Variants in SLC22A23 observed in about 807,000 individuals in gnomAD.
SLC22A23 encodes ion transporter protein.
Under a neutral mutation model 61.0 loss-of-function variants are expected in SLC22A23, and 26 were observed. The observed-to-expected ratio is 0.43, with a 90% confidence interval of 0.31 to 0.59. The LOEUF (loss-of-function observed/expected upper bound fraction) is 0.59. Ranked by LOEUF, SLC22A23 falls within the 20% of genes least tolerant of loss-of-function variation. The pLI, the probability that SLC22A23 is intolerant of heterozygous loss-of-function variation, is 0.11. For missense variants in SLC22A23, 796 were observed against 934.7 expected (o/e 0.85, Z 1.94); for synonymous variants, 430 against 413.9 (o/e 1.04, Z -0.47).
chr6:3,284,019 C>A (rs1361800036), intron 8 of SLC22A23, 44 bp from the exon 9 acceptor site: 16 of 1,570,424 alleles, frequency 1.0e-5, no homozygotes, highest in Non-Finnish European at 1.4e-5. Flanking sequence ...GAGAGGAAGC[C>A]AGGCCAGGGT....
At chr6:3,393,967 C>T (rs935976871) in intron 3 of SLC22A23, among the ~76,000 whole-genome samples, 8 of 152,198 alleles carry the variant, frequency 5.3e-5, no homozygotes, top group Non-Finnish European at 8.8e-5. Flanking sequence ...TGCAAACATT[C>T]GCTTCTACCG....
intron 1 of SLC22A23, among the ~76,000 whole-genome samples, chr6:3,435,345 C>T (rs1356428252): frequency 6.6e-6 from 1 of 151,884 alleles, no homozygotes; most frequent in Non-Finnish European, 1.5e-5. Flanking sequence ...CCCTCTCTTC[C>T]ACCATCCCTG....
chr6:3,442,816 T>TA (rs34874884), intron 1 of SLC22A23, among the ~76,000 whole-genome samples: 24,722 of 147,040 alleles, frequency 0.17, 2,111 homozygotes, highest in Non-Finnish European at 0.2. Context: ...CCACTTTATT[T>TA]AAAAAAAAAA....
rs1425522307 is a variant in SLC22A23 at position 3,456,375 on chromosome 6, G to A, written c.185C>T (p.Pro62Leu). The A allele has an allele frequency of 1.9e-6, 3 of 1,541,338 alleles. No individual in the cohort carries two copies. Among genetic ancestry groups the A allele is most frequent in the South Asian group, 1.2e-5 (1 of 83,892 alleles). ...AGCCGCGGAGCAGCAGCTCGGGTGC[G>A]GGCCGCCTCCAGGATGCAGTGGGGG... ...PLPPLHPGGGPHPSCCSAAAA... is the reference protein window; with the variant it reads ...PLPPLHPGGGLHPSCCSAAAA... The change falls in exon 1 of 10, where the codon CCG (proline) becomes CTG (leucine). Residue 62 changes from proline (P) to leucine (L), a missense_variant. By Grantham distance (98) the Pro-to-Leu change is moderately conservative. Coordinates refer to ENST00000406686, the MANE Select transcript of SLC22A23 (RefSeq NM_015482.2). This position sits in a 1 kb window ranked among gnomAD's most constrained non-coding sequence, Gnocchi z 7.1.
intron 3 of SLC22A23, among the ~76,000 whole-genome samples, chr6:3,343,282 A>G (rs984197607): frequency 1.3e-5 from 2 of 151,974 alleles, no homozygotes; most frequent in African/African-American, 4.8e-5. Flanking sequence ...TCCCAACCAC[A>G]CTCTTGCCTC....
At chr6:3,305,953 A>G (rs979261440) in intron 4 of SLC22A23, among the ~76,000 whole-genome samples, 4 of 152,310 alleles carry the variant, frequency 2.6e-5, no homozygotes, top group Middle Eastern at 3.4e-3. Context: ...CTGTGTTGCT[A>G]TAAAGGAACA....
At position 3,427,962 on chromosome 6, in the gene SLC22A23, C is replaced by T. The variant is rs1340708863; in HGVS notation, c.655-12107G>A. Among the ~76,000 whole-genome samples the T allele has an allele frequency of 6.6e-6, 1 of 152,220 alleles. No homozygotes were observed. Among genetic ancestry groups the T allele is most frequent in the East Asian group, 1.9e-4 (1 of 5,180 alleles). On this transcript the variant is annotated intron_variant, in intron 1 of 9. Transcript: ENST00000406686. This position sits in a 1 kb window ranked among gnomAD's most constrained non-coding sequence, Gnocchi z 4.3. ...TGGGGTGAGCCAGGAAGGCTCCCGA[C>T]CTTCCACTTCAGTGCCTCCGGCATC...
chr6:3,285,647 T>C (rs115830324), intron 7 of SLC22A23, among the ~76,000 whole-genome samples: 4 of 152,096 alleles, frequency 2.6e-5, no homozygotes, highest in Admixed American at 6.5e-5. Flanking sequence ...GGAACGGGGA[T>C]GGAGGGAGAC....
chr6:3,455,721 G>A (rs1387830449), intron 1 of SLC22A23, among the ~76,000 whole-genome samples, 185 bp downstream of exon 1: 2 of 152,238 alleles, frequency 1.3e-5, no homozygotes, highest in Non-Finnish European at 2.9e-5. Context: ...AAAGGCTATG[G>A]TGCTCCCTTT....
At chr6:3,313,169 A>G (rs1762458709) in intron 4 of SLC22A23, 1 of 152,152 alleles carries the variant, frequency 6.6e-6, no homozygotes, top group South Asian at 2.1e-4. Flanking sequence ...AGGGCTCCCT[A>G]AACTTCCATG....
intron 9 of SLC22A23, chr6:3,282,361 T>C (rs1420319046): frequency 2.9e-6 from 2 of 700,832 alleles, no homozygotes; most frequent in Non-Finnish European, 5.2e-6. Context: ...TTGTGCTTAA[T>C]CATACAATGC....
intron 3 of SLC22A23, among the ~76,000 whole-genome samples, chr6:3,332,982 AC>A (rs1763660460): frequency 6.6e-6 from 1 of 152,132 alleles, no homozygotes; most frequent in African/African-American, 2.4e-5. Flanking sequence ...GTCTGGTGAG[AC>A]CCAGGTTCAG....
At chr6:3,319,509 T>C (rs1400316572) in intron 4 of SLC22A23, among the ~76,000 whole-genome samples, 7 of 152,196 alleles carry the variant, frequency 4.6e-5, no homozygotes, top group Non-Finnish European at 1.0e-4. Context: ...TGCCCCACAA[T>C]GTGCTTTCAG....
In SLC22A23 at chr6:3,410,298, A is replaced by C; in HGVS notation, c.803T>G (p.Leu268Arg). ...PVLLFSIIFILIFGLTVALSV... is the reference protein window; with the variant it reads ...PVLLFSIIFIRIFGLTVALSV... ...CAGTGCCACAGTCAGTCCAAAGATC[A>C]GAATGAAGATGATGGAAAACAGCAG... Residue 268 changes from leucine (L) to arginine (R), a missense_variant, in exon 3 of 10, where the codon CTG (leucine) becomes CGG (arginine). Transcript: ENST00000406686. The surrounding 1 kb of genome is among the most constrained non-coding windows in gnomAD (Gnocchi z 5.0). 1 of 1,613,734 alleles carries C rather than the reference A, an allele frequency of 6.2e-7. No individual in the cohort carries two copies. The highest frequency in any genetic ancestry group is 8.5e-7 in the Non-Finnish European group (1 of 1,179,860).
chr6:3,398,702 C>T (rs771623854), intron 3 of SLC22A23, among the ~76,000 whole-genome samples: 2 of 151,912 alleles, frequency 1.3e-5, no homozygotes, highest in East Asian at 1.9e-4. Context: ...GGCTCCTTGA[C>T]GTTGGTTTCT....
intron 1 of SLC22A23, among the ~76,000 whole-genome samples, chr6:3,418,237 T>C (rs1769866534): frequency 6.6e-6 from 1 of 152,238 alleles, no homozygotes; most frequent in Non-Finnish European, 1.5e-5. Context: ...AGCTGCTGTC[T>C]TGATGGCAGG....
intron 1 of SLC22A23, among the ~76,000 whole-genome samples, chr6:3,439,783 G>A (rs777321641): frequency 2.6e-5 from 4 of 152,112 alleles, no homozygotes; most frequent in Non-Finnish European, 5.9e-5. Flanking sequence ...GGACAGCAGG[G>A]GTGGGAAACG....
chr6:3,316,078 C>T (rs1035759811), intron 4 of SLC22A23, among the ~76,000 whole-genome samples: 8 of 152,220 alleles, frequency 5.3e-5, no homozygotes, highest in Admixed American at 6.5e-5. Context: ...AGGCCTGGGG[C>T]GGGGGCTGGG....
intron 3 of SLC22A23, among the ~76,000 whole-genome samples, chr6:3,365,510 G>T (rs1348460022): frequency 6.6e-6 from 1 of 152,148 alleles, no homozygotes. Context: ...GAGCCTGAGT[G>T]AGTGAGTGCT....
Sources: allele counts gnomAD v4.1 joint callset (sites outside exome capture counted in the v4.1 genomes callset), GRCh38; gene constraint gnomAD v4.1.1; non-coding constraint Gnocchi (gnomAD v3.1); transcripts MANE v1.5; gene names NCBI Gene and HGNC (gene_info 2026-07-23, HGNC 2026-07-21).